Variants in IQCJ observed in about 807,000 individuals in gnomAD.
The protein encoded by IQCJ is IQ motif containing J.
A neutral mutation model predicts 11.0 loss-of-function variants in IQCJ; 9 were observed. That is an observed-to-expected ratio of 0.82 (90% CI 0.49 to 1.43). The LOEUF (loss-of-function observed/expected upper bound fraction) is 1.43, where lower values mean the gene tolerates loss of function less well. Ranked by LOEUF, IQCJ falls within the 40% of genes most tolerant of loss-of-function variation. The probability of loss-of-function intolerance (pLI) is 0.00; values close to 1 mark genes in which losing one functional copy is unlikely to be tolerated. For missense variants in IQCJ, 146 were observed against 133.2 expected (o/e 1.10, Z -0.47); for synonymous variants, 55 against 51.3 (o/e 1.07, Z -0.31).
intron 1 of IQCJ, among the ~76,000 whole-genome samples, chr3:159,083,596 T>C (rs1716485022): frequency 6.6e-6 from 1 of 152,148 alleles, no homozygotes; most frequent in South Asian, 2.1e-4. Flanking sequence ...AACAGTATAA[T>C]TGCACTGTTG....
intron 2 of IQCJ, among the ~76,000 whole-genome samples, chr3:159,249,821 A>G (rs1312953214): frequency 1.3e-5 from 2 of 152,124 alleles, no homozygotes; most frequent in Non-Finnish European, 2.9e-5. Flanking sequence ...GTTTTGTGGT[A>G]GACAGTTAGT....
intron 1 of IQCJ, among the ~76,000 whole-genome samples, chr3:159,228,720 G>A (rs1726009135): frequency 1.3e-5 from 2 of 151,680 alleles, no homozygotes; most frequent in South Asian, 4.2e-4. Flanking sequence ...GGAGAGTGGC[G>A]TGAACCCGGG....
intron 1 of IQCJ, among the ~76,000 whole-genome samples, chr3:159,176,059 GC>G (rs1722778107): frequency 6.6e-6 from 1 of 152,088 alleles, no homozygotes; most frequent in Admixed American, 6.5e-5. Context: ...CTTTTCATGT[GC>G]TTATTTGCCT....
chr3:159,126,905 G>A (rs1719708471), intron 1 of IQCJ, among the ~76,000 whole-genome samples: 3 of 152,188 alleles, frequency 2.0e-5, no homozygotes, highest in Admixed American at 2.0e-4. Flanking sequence ...GGCAGAAAAT[G>A]AGGGCAAGCC....
chr3:159,122,943 G>A (rs1030589353), intron 1 of IQCJ, among the ~76,000 whole-genome samples: 15 of 152,160 alleles, frequency 9.9e-5, no homozygotes, highest in Non-Finnish European at 2.1e-4. Context: ...TGGTGATGAT[G>A]TTATTATTAT....
intron 1 of IQCJ, among the ~76,000 whole-genome samples, chr3:159,143,277 A>T (rs1019578154): frequency 2.0e-5 from 3 of 152,238 alleles, no homozygotes; most frequent in Non-Finnish European, 2.9e-5. Flanking sequence ...TCACATCTTT[A>T]TTAGTATTTC....
intron 1 of IQCJ, among the ~76,000 whole-genome samples, chr3:159,114,829 A>G (rs1034229574): frequency 1.3e-5 from 2 of 152,122 alleles, no homozygotes; most frequent in Non-Finnish European, 2.9e-5. Context: ...CCTCTCTTCT[A>G]TTTCTCTTGA....
chr3:159,216,075 C>A (rs573147150), intron 1 of IQCJ, among the ~76,000 whole-genome samples: 2 of 126,586 alleles, frequency 1.6e-5, no homozygotes, highest in African/African-American at 6.2e-5. Flanking sequence ...AAAAAGAAAG[C>A]GTGTGTGTGT....
chr3:159,111,724 A>T (rs866294123), intron 1 of IQCJ, among the ~76,000 whole-genome samples: 1 of 152,208 alleles, frequency 6.6e-6, no homozygotes, highest in African/African-American at 2.4e-5. Context: ...CTGCATTCAC[A>T]TTCCCAGAGG....
chr3:159,113,833 ATGAT>A (rs1718786183), intron 1 of IQCJ, among the ~76,000 whole-genome samples: 1 of 151,728 alleles, frequency 6.6e-6, no homozygotes, highest in Non-Finnish European at 1.5e-5. Flanking sequence ...AATAAGATGA[ATGAT>A]ATCATAATAA....
chr3:159,173,533 C>A (rs1029903048), intron 1 of IQCJ, among the ~76,000 whole-genome samples: 1 of 152,138 alleles, frequency 6.6e-6, no homozygotes, highest in African/African-American at 2.4e-5. Flanking sequence ...TCTCTTCTTG[C>A]CAAAGATATC....
intron 1 of IQCJ, among the ~76,000 whole-genome samples, chr3:159,183,712 T>G (rs959736814): frequency 2.0e-5 from 3 of 152,200 alleles, no homozygotes; most frequent in African/African-American, 7.2e-5. Flanking sequence ...TTCCATCTTT[T>G]TATACTGTCA....
At chr3:159,260,388 T>C in intron 3 of IQCJ, among the ~76,000 whole-genome samples, 1 of 152,186 alleles carries the variant, frequency 6.6e-6, no homozygotes, top group South Asian at 2.1e-4. Context: ...TATAAAGTTG[T>C]GGGTGTTCTA....
intron 1 of IQCJ, among the ~76,000 whole-genome samples, chr3:159,155,199 C>T (rs1283016021): frequency 6.6e-6 from 1 of 152,118 alleles, no homozygotes; most frequent in African/African-American, 2.4e-5. Context: ...GCTCTGTCAC[C>T]AAGGCTGGAG....
intron 1 of IQCJ, among the ~76,000 whole-genome samples, chr3:159,173,741 A>G (rs1722623893): frequency 6.6e-6 from 1 of 152,178 alleles, no homozygotes; most frequent in African/African-American, 2.4e-5. Flanking sequence ...TTCCTTCTCC[A>G]GAAAGGCAAG....
At chr3:159,128,771 G>C (rs570502712) in intron 1 of IQCJ, among the ~76,000 whole-genome samples, 1 of 152,110 alleles carries the variant, frequency 6.6e-6, no homozygotes, top group East Asian at 1.9e-4. Context: ...TCTTCCTACC[G>C]TGCTTTGAGA....
intron 1 of IQCJ, among the ~76,000 whole-genome samples, chr3:159,183,456 T>C (rs576807315): frequency 6.6e-6 from 1 of 152,284 alleles, no homozygotes; most frequent in African/African-American, 2.4e-5. Flanking sequence ...TGTGATCTTA[T>C]TTCAGGCCCA....
intron 1 of IQCJ, among the ~76,000 whole-genome samples, chr3:159,143,536 C>T (rs1720749755): frequency 6.6e-6 from 1 of 152,136 alleles, no homozygotes; most frequent in Admixed American, 6.6e-5. Flanking sequence ...TCTCCTGTTG[C>T]CTTAAACCCA....
At chr3:159,259,970 G>T (rs867853868) in intron 3 of IQCJ, among the ~76,000 whole-genome samples, 2 of 152,128 alleles carry the variant, frequency 1.3e-5, no homozygotes, top group Non-Finnish European at 1.5e-5. Flanking sequence ...CAAAAAAACA[G>T]CTCCTGTATT....
Sources: gnomAD v4.1 joint callset for allele counts (sites outside exome capture counted in the v4.1 genomes callset) on GRCh38, gnomAD v4.1.1 for gene constraint, MANE v1.5 for transcripts, NCBI Gene and HGNC (gene_info 2026-07-23, HGNC 2026-07-21) for gene names.